The following ATP2B1 variants were observed in gnomAD, a reference collection of about 807,000 sequenced individuals.
ATP2B1 encodes the protein plasma membrane calcium-transporting ATPase 1.
In ATP2B1, 14 loss-of-function variants were observed where a neutral mutation model predicts 124.2. That is an observed-to-expected ratio of 0.11 (90% confidence interval 0.07 to 0.18). ATP2B1 has a LOEUF of 0.18. Ranked by LOEUF, ATP2B1 falls within the 10% of genes least tolerant of loss-of-function variation. The pLI, the probability that ATP2B1 is intolerant of heterozygous loss-of-function variation, is 1.00. For missense variants in ATP2B1, 763 were observed against 1,466.1 expected (o/e 0.52, Z 7.83); for synonymous variants, 449 against 492.4 (o/e 0.91, Z 1.17).
rs373262834 is a variant in ATP2B1, at chr12:89,626,626, G to A, written c.968-11C>T. On this transcript the variant is annotated splice_polypyrimidine_tract_variant and intron_variant, in intron 7 of 20. Coordinates refer to ENST00000428670, the MANE Select transcript of ATP2B1 (RefSeq NM_001366521.1). ...CATCCTGGGCTTTTGCTACATTTAAGAGCAAATAGAACTTCACTATACTTT... is the reference window on the plus strand; with the variant it reads ...CATCCTGGGCTTTTGCTACATTTAAAAGCAAATAGAACTTCACTATACTTT... The A allele has an allele frequency of 2.6e-5, 41 of 1,580,330 alleles. No individual in the cohort carries two copies. Among genetic ancestry groups the A allele is most frequent in the Admixed American group, 6.0e-5 (3 of 50,282 alleles).
chr12:89,671,851 T>G (rs915524487), intron 1 of ATP2B1, among the ~76,000 whole-genome samples: 5 of 150,474 alleles, frequency 3.3e-5, no homozygotes, highest in African/African-American at 1.2e-4. Context: ...AATATGAACC[T>G]GAGACAAAAA....
chr12:89,624,464 T>A, intron 8 of ATP2B1, 67 bp from the exon 9 acceptor site: 12 of 1,272,318 alleles, frequency 9.4e-6, no homozygotes, highest in Non-Finnish European at 1.3e-5. Context: ...TTGCCAGATA[T>A]AAATTAAACA....
chr12:89,630,353 C>T (rs1233102042), intron 6 of ATP2B1, 152 bp downstream of exon 6: 6 of 595,644 alleles, frequency 1.0e-5, no homozygotes, highest in Non-Finnish European at 1.6e-5. Context: ...GATGTATTCT[C>T]TAAAGGCCCA....
chr12:89,695,878 C>T (rs765081096), intron 1 of ATP2B1, among the ~76,000 whole-genome samples: 2 of 152,082 alleles, frequency 1.3e-5, no homozygotes, highest in Non-Finnish European at 1.5e-5. Context: ...GTGTCATTTA[C>T]CTGACATATC....
At chr12:89,598,780 AAGAG>A (rs143275091) in intron 20 of ATP2B1, 3 of 1,608,772 alleles carry the variant, frequency 1.9e-6, no homozygotes, top group Admixed American at 1.7e-5. Context: ...CTTGCTCAGC[AAGAG>A]AGAGAGAGAA....
In ATP2B1 at chr12:89,683,446, A is replaced by C. The variant is rs1254826527; in HGVS notation, c.-222+25150T>G. On this transcript the variant is annotated intron_variant, in intron 1 of 20. Transcript: ENST00000428670. Reference sequence around the variant, plus strand: ...ATGCCCTATCAGAAATCAGGCTCCCAATTCCGTAAAGAAGCGTAAGCTACA... The same window carrying C: ...ATGCCCTATCAGAAATCAGGCTCCCCATTCCGTAAAGAAGCGTAAGCTACA... 2.0e-5 allele frequency among the ~76,000 whole-genome samples: 3 copies of C among 152,218 alleles called. No individual in the cohort carries two copies. In the East Asian group the frequency reaches 5.8e-4, roughly 29 times the overall value.
At chr12:89,609,801 G>T in intron 15 of ATP2B1, 136 bp downstream of exon 15, 1 of 694,636 alleles carries the variant, frequency 1.4e-6, no homozygotes, top group Non-Finnish European at 2.3e-6. Flanking sequence ...ACCAATTTAA[G>T]CTTATTAATT....
Position 89,604,123 on chromosome 12 carries a change from A to T in ATP2B1, c.2634+32T>A, listed in dbSNP as rs756859303. On this transcript the variant is annotated intron_variant, in intron 16 of 20. Transcript: ENST00000428670. The stretch of plus-strand genomic sequence containing the variant: ...TTAATATACTTTTTAAATTTAAAGT[A>T]AACAAGTTTTGATAGACAAGTCATC... 2.7e-5 allele frequency: 43 copies of T among 1,591,694 alleles called. No individual in the cohort carries two copies. The South Asian group carries it at 3.5e-4, about 13-fold the overall frequency.
intron 11 of ATP2B1, among the ~76,000 whole-genome samples, chr12:89,617,839 A>G (rs901493370): frequency 6.6e-6 from 1 of 152,198 alleles, no homozygotes; most frequent in Non-Finnish European, 1.5e-5. Context: ...TTCACTGCCC[A>G]TGTAATGTGC....
intron 15 of ATP2B1, among the ~76,000 whole-genome samples, chr12:89,608,704 T>C (rs1028267890): frequency 3.3e-5 from 5 of 152,304 alleles, no homozygotes; most frequent in African/African-American, 1.2e-4. Context: ...TTTACATAAC[T>C]GCCTTTCTGG....
chr12:89,700,449 AGAG>A (rs1891709533), intron 1 of ATP2B1, among the ~76,000 whole-genome samples: 1 of 152,242 alleles, frequency 6.6e-6, no homozygotes, highest in Admixed American at 6.5e-5. Flanking sequence ...CAAACAAAAA[AGAG>A]TAGTTATAGC....
At chr12:89,707,758 A>G (rs1011037578) in intron 1 of ATP2B1, among the ~76,000 whole-genome samples, 1 of 152,162 alleles carries the variant, frequency 6.6e-6, no homozygotes. Context: ...AAATGCGCAC[A>G]GAGACCAACC....
chr12:89,672,304 A>G (rs1266073889), intron 1 of ATP2B1, among the ~76,000 whole-genome samples: 1 of 152,252 alleles, frequency 6.6e-6, no homozygotes, highest in East Asian at 1.9e-4. Flanking sequence ...AAATACCCAA[A>G]TTAGCTGGGC....
chr12:89,687,610 AG>A lies in ATP2B1; in HGVS notation c.-222+20985del, dbSNP rs371997517. Reference sequence around the variant, plus strand: ...TTCAAATTATTAGGCAGTAAGGCCAAGAAAGTGGTCAAATCACCTAGTGTCT... The same window carrying A: ...TTCAAATTATTAGGCAGTAAGGCCAAAAAGTGGTCAAATCACCTAGTGTCT... On this transcript the variant is annotated intron_variant, in intron 1 of 20. Transcript: ENST00000428670. Among the ~76,000 whole-genome samples, 6 of 152,206 alleles carry A rather than the reference AG, an allele frequency of 3.9e-5. No individual in the cohort carries two copies. In the East Asian group the frequency reaches 1.2e-3, roughly 29 times the overall value.
Position 89,590,995 on chromosome 12 carries a change from T to C in ATP2B1, c.3652A>G (p.Thr1218Ala). 1 of 1,611,930 alleles carries C rather than the reference T, an allele frequency of 6.2e-7. No individual in the cohort carries two copies. The highest frequency in any genetic ancestry group is 1.3e-5 in the African/African-American group (1 of 74,940). The change falls in exon 21 of 21, where the codon ACA (threonine) becomes GCA (alanine). Residue 1218 changes from threonine (T) to alanine (A), a missense_variant. Around this residue, in one of 7 missense-constraint regions of ATP2B1, gnomAD observed 97 missense variants for 94.7 expected, o/e 1.02. Transcript: ENST00000428670. ...CATTCAGCTTACAATCAGAGTGATG[T>C]TTCCAAACTATGTAGTGGGCTTCCT... The part of the protein sequence containing the change: ...SPGSPLHSLE[T>A]SL
chr12:89,670,823 C>G (rs1305397954), intron 1 of ATP2B1, among the ~76,000 whole-genome samples: 2 of 151,834 alleles, frequency 1.3e-5, no homozygotes, highest in East Asian at 3.9e-4. Context: ...TAATGCTGGT[C>G]TGATCTAAAT....
At chr12:89,661,126 A>C (rs1435155278) in intron 1 of ATP2B1, among the ~76,000 whole-genome samples, 2 of 152,148 alleles carry the variant, frequency 1.3e-5, no homozygotes, top group African/African-American at 2.4e-5. Context: ...TCAAATTTTT[A>C]GTTCTTTGGT....
chr12:89,697,630 T>C (rs547928253), intron 1 of ATP2B1, among the ~76,000 whole-genome samples: 25 of 151,912 alleles, frequency 1.6e-4, no homozygotes, highest in Non-Finnish European at 2.8e-4. Context: ...GACAAACTTA[T>C]ACATGCATAA....
chr12:89,642,453 T>C (rs1883695376), intron 2 of ATP2B1, 98 bp from the exon 3 acceptor site: 2 of 1,135,538 alleles, frequency 1.8e-6, no homozygotes, highest in Admixed American at 4.6e-5. Context: ...CTCTAGACCC[T>C]ACCAAAATGT....
Sources: allele counts gnomAD v4.1 joint callset (sites outside exome capture counted in the v4.1 genomes callset), GRCh38; gene constraint gnomAD v4.1.1; regional missense constraint gnomAD v4.1.1; transcripts MANE v1.5; gene names NCBI Gene and HGNC (gene_info 2026-07-23, HGNC 2026-07-21).